TCAF1: variants seen among roughly 807,000 people sequenced by gnomAD.
TCAF1 encodes TRPM8 channel-associated factor 1.
A neutral mutation model predicts 27.3 loss-of-function variants in TCAF1; 4 were observed. That is an observed-to-expected ratio of 0.15 (90% CI 0.07 to 0.34). The LOEUF is 0.34. Among genes scored for constraint, TCAF1 ranks in the 10% least tolerant of loss-of-function variants. The probability of loss-of-function intolerance (pLI) is 1.00; values close to 1 mark genes in which losing one functional copy is unlikely to be tolerated. For synonymous variants in TCAF1, 105 were observed against 167.1 expected, an observed-to-expected ratio of 0.63 and a Z score of 2.87; for missense variants, 257 against 425.8, an observed-to-expected ratio of 0.60 and a Z score of 3.49.
intron 1 of TCAF1, among the ~76,000 whole-genome samples, chr7:143,892,128 G>A (rs886926486): frequency 6.6e-6 from 1 of 152,076 alleles, no homozygotes; most frequent in African/African-American, 2.4e-5. Context: ...ATTCCTCATA[G>A]AAGTACAGTG....
intron 1 of TCAF1, among the ~76,000 whole-genome samples, chr7:143,877,016 A>C (rs992721947): frequency 3.9e-5 from 6 of 152,230 alleles, no homozygotes; most frequent in African/African-American, 9.6e-5. Context: ...TAGTCCAATG[A>C]CTGATGTCCT....
intron 1 of TCAF1, among the ~76,000 whole-genome samples, chr7:143,896,523 C>T (rs1014770148): frequency 2.6e-5 from 4 of 151,986 alleles, no homozygotes; most frequent in African/African-American, 7.2e-5. Context: ...ACTACACATT[C>T]TTTTTACGCA....
At chr7:143,885,116 G>A (rs771351960) in intron 1 of TCAF1, 60 of 985,334 alleles carry the variant, frequency 6.1e-5, no homozygotes, top group Non-Finnish European at 6.9e-5. Flanking sequence ...TCTCCCACCC[G>A]CACCTCAGCG....
At chr7:143,867,325 AG>A (rs1307027302) in intron 2 of TCAF1, among the ~76,000 whole-genome samples, 6 of 123,422 alleles carry the variant, frequency 4.9e-5, no homozygotes, top group African/African-American at 1.8e-4. Flanking sequence ...AAAAATGGCC[AG>A]GTGTGGTGGC....
intron 1 of TCAF1, among the ~76,000 whole-genome samples, chr7:143,878,338 AT>A (rs2116788719): frequency 6.6e-6 from 1 of 152,286 alleles, no homozygotes; most frequent in East Asian, 1.9e-4. Flanking sequence ...TAGTTTTCAT[AT>A]TTTGGTACCA....
At chr7:143,890,447 T>G (rs1251440866) in intron 1 of TCAF1, among the ~76,000 whole-genome samples, 1 of 152,208 alleles carries the variant, frequency 6.6e-6, no homozygotes, top group East Asian at 1.9e-4. Context: ...TTCAAAAAAT[T>G]TTTAATTCCA....
At chr7:143,899,573 G>C (rs1208095056) in intron 1 of TCAF1, among the ~76,000 whole-genome samples, 1 of 152,018 alleles carries the variant, frequency 6.6e-6, no homozygotes, top group Non-Finnish European at 1.5e-5. Context: ...ATGATCTTGA[G>C]AAAACAATTA....
intron 1 of TCAF1, chr7:143,883,003 G>A: frequency 2.3e-6 from 1 of 431,438 alleles, no homozygotes; most frequent in Non-Finnish European, 3.1e-6. Context: ...CTGGTGGCTT[G>A]GCATTGCTGT....
chr7:143,886,061 A>T (rs13242310), intron 1 of TCAF1, among the ~76,000 whole-genome samples: 1 of 152,056 alleles, frequency 6.6e-6, no homozygotes, highest in African/African-American at 2.4e-5. Context: ...ACGAGACTTG[A>T]CCATGGAGCA....
intron 1 of TCAF1, among the ~76,000 whole-genome samples, chr7:143,879,542 T>G (rs1812904150): frequency 6.6e-6 from 1 of 152,204 alleles, no homozygotes; most frequent in Admixed American, 6.5e-5. Flanking sequence ...TGTGCCTATC[T>G]TTAGACCCAA....
At position 143,892,833 on chromosome 7, in the gene TCAF1, G is replaced by T. The variant is rs1462095031; in HGVS notation, c.-15+9128C>A. On this transcript the variant is annotated intron_variant, in intron 1 of 8. Transcript: ENST00000479870. Reference sequence around the variant, plus strand: ...GACTAGAGCTCCCTCTCTTGGCCATGTGAAAATACAGTGAGAAAGGTAGCT... The same window carrying T: ...GACTAGAGCTCCCTCTCTTGGCCATTTGAAAATACAGTGAGAAAGGTAGCT... Among the ~76,000 whole-genome samples, 3 of 152,144 alleles carry T rather than the reference G, an allele frequency of 2.0e-5. No individual in the cohort carries two copies. The South Asian group carries it at 6.2e-4, about 32-fold the overall frequency.
intron 1 of TCAF1, 144 bp downstream of exon 1, chr7:143,901,817 C>T (rs749686539): frequency 1.3e-5 from 2 of 152,260 alleles, no homozygotes; most frequent in Non-Finnish European, 2.9e-5. Flanking sequence ...GAAAAATCAT[C>T]AACGGGGTAG....
rs115441740 is a variant in TCAF1 at position 143,891,075 on chromosome 7, G to A, written c.-15+10886C>T. Among the ~76,000 whole-genome samples the A allele has an allele frequency of 4.4e-3, 664 of 152,302 alleles. 5 individuals carry two copies. The highest frequency in any genetic ancestry group is 0.015 in the African/African-American group (637 of 41,544). On this transcript the variant is annotated intron_variant, in intron 1 of 8. Coordinates refer to ENST00000479870, the MANE Select transcript of TCAF1 (RefSeq NM_014719.3). Reference sequence around the variant, plus strand: ...ATGGTTTAAAGACTATGTTCTTGGAGAAAGATCAAACCTTAAATGGGCTAG... The same window carrying A: ...ATGGTTTAAAGACTATGTTCTTGGAAAAAGATCAAACCTTAAATGGGCTAG...
chr7:143,899,244 G>A (rs1029588648), intron 1 of TCAF1, among the ~76,000 whole-genome samples: 4 of 152,178 alleles, frequency 2.6e-5, no homozygotes, highest in Admixed American at 2.6e-4. Flanking sequence ...AAAGGTCCAA[G>A]TAAAGCTAAA....
intron 1 of TCAF1, chr7:143,885,341 G>T (rs929294073): frequency 4.2e-5 from 41 of 984,906 alleles, no homozygotes; most frequent in Non-Finnish European, 4.9e-5. Flanking sequence ...GGAGGCGTGT[G>T]GGGGGAGGTG....
Position 143,875,994 on chromosome 7 carries a change from C to T in TCAF1, c.615G>A (p.Leu205=), listed in dbSNP as rs1812673969. 7 of 1,550,010 alleles carry T rather than the reference C, an allele frequency of 4.5e-6. No individual in the cohort carries two copies. Among genetic ancestry groups the T allele is most frequent in the African/African-American group, 1.4e-5 (1 of 72,986 alleles). ...VSKKMPKIPV[L]VSCEDDLSDD... ...CAGTGGGGTAACATACTCACCTAAC[C>T]AACACTGGGATCTTGGGCATCTTCT... Residue 205 remains leucine (L), a synonymous_variant, in exon 2 of 9, where the codon TTG becomes TTA. Transcript: ENST00000479870.
rs113818740 is a variant in TCAF1, at chr7:143,875,778, G to A, written c.620+211C>T. On this transcript the variant is annotated intron_variant, in intron 2 of 8. Transcript: ENST00000479870. The stretch of plus-strand genomic sequence containing the variant: ...CCACCATTAAGTTCAAATTATCAAA[G>A]AGCTAAATGGTCTGGTTTGGGAAGA... Among the ~76,000 whole-genome samples, 650 of 152,274 alleles carry A rather than the reference G, an allele frequency of 4.3e-3. 4 individuals carry two copies. Among genetic ancestry groups the A allele is most frequent in the Non-Finnish European group, 6.5e-3 (441 of 68,010 alleles).
chr7:143,859,691 T>C, intron 6 of TCAF1, among the ~76,000 whole-genome samples: 1 of 145,446 alleles, frequency 6.9e-6, no homozygotes, highest in Non-Finnish European at 1.5e-5. Context: ...CAAAGATCGC[T>C]TTATTCAGTG....
intron 1 of TCAF1, among the ~76,000 whole-genome samples, chr7:143,883,353 G>C (rs1320701330): frequency 2.0e-5 from 3 of 151,966 alleles, no homozygotes; most frequent in Non-Finnish European, 4.4e-5. Flanking sequence ...AGAAATAGGA[G>C]AGGTGCAACT....
Sources: allele counts gnomAD v4.1 joint callset (sites outside exome capture counted in the v4.1 genomes callset), GRCh38; gene constraint gnomAD v4.1.1; transcripts MANE v1.5; gene names NCBI Gene and HGNC (gene_info 2026-07-23, HGNC 2026-07-21).